ZNF236: variants seen among roughly 807,000 people sequenced by gnomAD.
ZNF236 encodes the protein zinc finger protein 236.
A neutral mutation model predicts 191.2 loss-of-function variants in ZNF236; 50 were observed. That is an observed-to-expected ratio of 0.26 (90% CI 0.21 to 0.33). The LOEUF (loss-of-function observed/expected upper bound fraction) is 0.33. Ranked by LOEUF, ZNF236 falls within the 10% of genes least tolerant of loss-of-function variation. The pLI, the probability that ZNF236 is intolerant of heterozygous loss-of-function variation, is 1.00. For synonymous variants in ZNF236, 907 were observed against 928.8 expected, an observed-to-expected ratio of 0.98 and a Z score of 0.43; for missense variants, 1,754 against 2,374.5, an observed-to-expected ratio of 0.74 and a Z score of 5.43.
chr18:76,882,893 G>T (rs1313569169), intron 9 of ZNF236, among the ~76,000 whole-genome samples: 1 of 152,230 alleles, frequency 6.6e-6, no homozygotes, highest in Non-Finnish European at 1.5e-5. Flanking sequence ...GTATTCCTGA[G>T]AATCTGATGC....
At chr18:76,909,669 A>C in intron 14 of ZNF236, among the ~76,000 whole-genome samples, 1 of 152,248 alleles carries the variant, frequency 6.6e-6, no homozygotes, top group East Asian at 1.9e-4. Context: ...CAGGCATGTC[A>C]GCAAACAGTG....
At chr18:76,858,077 C>T (rs1457937019) in intron 3 of ZNF236, among the ~76,000 whole-genome samples, 4 of 151,954 alleles carry the variant, frequency 2.6e-5, no homozygotes, top group Non-Finnish European at 5.9e-5. Flanking sequence ...GTTAGTTTTC[C>T]CTGCCATCCT....
chr18:76,937,202 T>G lies in ZNF236; in HGVS notation c.4641T>G (p.Ser1547=). 1 of 1,614,158 alleles carries G rather than the reference T, an allele frequency of 6.2e-7. No individual in the cohort carries two copies. Among genetic ancestry groups the G allele is most frequent in the African/African-American group, 1.3e-5 (1 of 75,030 alleles). ...GCCTTCCTTCAACAACACCGATGTC[T>G]CCATCGGCCATCTCGACTCAGAACC... ...SGSLPSTTPM[S]PSAISTQNLV... is the part of the protein sequence containing the mutation. Residue 1547 remains serine (S), a synonymous_variant, in exon 26 of 31, where the codon TCT becomes TCG. Transcript: ENST00000320610.
At chr18:76,896,429 AAC>A (rs1382034941) in intron 10 of ZNF236, among the ~76,000 whole-genome samples, 1 of 149,730 alleles carries the variant, frequency 6.7e-6, no homozygotes, top group Non-Finnish European at 1.5e-5. Flanking sequence ...ACAAGTACCA[AAC>A]ACAATACTAA....
chr18:76,918,658 C>T (rs1445960434), intron 19 of ZNF236, among the ~76,000 whole-genome samples: 1 of 152,000 alleles, frequency 6.6e-6, no homozygotes. Context: ...AACTTCCCTG[C>T]CAAGCCCCAC....
At chr18:76,836,977 G>C (rs1450874379) in intron 1 of ZNF236, among the ~76,000 whole-genome samples, 1 of 152,088 alleles carries the variant, frequency 6.6e-6, no homozygotes, top group Non-Finnish European at 1.5e-5. Context: ...CCAGGTTCAA[G>C]CAATTCTCGT....
chr18:76,961,253 G>A (rs974991615), intron 30 of ZNF236, among the ~76,000 whole-genome samples: 8 of 151,940 alleles, frequency 5.3e-5, no homozygotes, highest in Non-Finnish European at 1.2e-4. Context: ...GAGAACATGC[G>A]ATGTTTGGTT....
rs1967751087 is a variant in ZNF236 at position 76,928,000 on chromosome 18, C to T, written c.4488C>T (p.Thr1496=). The change falls in exon 25 of 31, where the codon ACC becomes ACT. Residue 1496 remains threonine, a synonymous_variant. Transcript: ENST00000320610. This position sits in a 1 kb window ranked among gnomAD's most constrained non-coding sequence, Gnocchi z 5.4. ...VSPSGGPHEI[T]LTINNSSLSQ... is the part of the protein sequence containing the mutation. Reference sequence around the variant, plus strand: ...CCTCCGGCGGTCCCCACGAGATCACCCTGACCATTAACAACTCCAGCCTGA... The same window carrying T: ...CCTCCGGCGGTCCCCACGAGATCACTCTGACCATTAACAACTCCAGCCTGA... The T allele has an allele frequency of 6.2e-7, 1 of 1,613,950 alleles. No individual in the cohort carries two copies. The highest frequency in any genetic ancestry group is 1.3e-5 in the African/African-American group (1 of 75,038).
intron 1 of ZNF236, chr18:76,841,231 C>T (rs1975489689): frequency 6.6e-6 from 1 of 152,300 alleles, no homozygotes; most frequent in African/African-American, 2.4e-5. Flanking sequence ...GCCACCGCAC[C>T]CGGCGTCGTT....
At chr18:76,833,677 G>C (rs938480793) in intron 1 of ZNF236, among the ~76,000 whole-genome samples, 4 of 151,886 alleles carry the variant, frequency 2.6e-5, no homozygotes, top group South Asian at 2.1e-4. Flanking sequence ...CTCAAGTTTT[G>C]ATACTAGTAT....
intron 7 of ZNF236, among the ~76,000 whole-genome samples, chr18:76,879,038 A>C (rs1976795681): frequency 6.6e-6 from 1 of 152,210 alleles, no homozygotes. Flanking sequence ...AATAGAGTCC[A>C]ATAATTATGT....
At chr18:76,893,313 A>C (rs1294738843) in intron 9 of ZNF236, among the ~76,000 whole-genome samples, 2 of 152,096 alleles carry the variant, frequency 1.3e-5, no homozygotes, top group Non-Finnish European at 2.9e-5. Flanking sequence ...TGTTAATTTT[A>C]AGCAGTCTTA....
intron 3 of ZNF236, among the ~76,000 whole-genome samples, chr18:76,864,146 T>G (rs1976328856): frequency 6.6e-6 from 1 of 152,140 alleles, no homozygotes; most frequent in South Asian, 2.1e-4. Context: ...GCTGCAGATT[T>G]GGGGCTTGTC....
rs2122995189 is a variant in ZNF236 at position 76,969,542 on chromosome 18, A to G, written c.*1203A>G. 6.6e-6 allele frequency: 1 copy of G among 152,624 alleles called. No homozygotes were observed. Among genetic ancestry groups the G allele is most frequent in the South Asian group, 2.1e-4 (1 of 4,828 alleles). The allele number at this position is 152,624 out of a possible 1,614,324, so 9.5% of individuals were successfully genotyped here. A position where few individuals can be genotyped will look rare whatever the true frequency, so the allele number is the denominator to read the frequency against. On this transcript the variant is annotated 3_prime_UTR_variant, in exon 31 of 31. Transcript: ENST00000320610. ...AGAGCGTCAGTTTCACCTCCCCACG[A>G]GCACTTCAGATCAGTATTGTATTCA...
chr18:76,874,775 A>C (rs941397916), intron 5 of ZNF236, among the ~76,000 whole-genome samples: 1 of 472 alleles, frequency 2.1e-3, no homozygotes, highest in Non-Finnish European at 0.01. Flanking sequence ...AGAGGCCCGG[A>C]AGTGGAGAAA....
chr18:76,856,211 A>G (rs1454377705), intron 3 of ZNF236, among the ~76,000 whole-genome samples: 2 of 149,020 alleles, frequency 1.3e-5, no homozygotes, highest in Non-Finnish European at 1.5e-5. Context: ...TTTTTTTGAG[A>G]CAGAGTTTTG....
chr18:76,860,105 C>G (rs1371579852), intron 3 of ZNF236, among the ~76,000 whole-genome samples: 5 of 152,076 alleles, frequency 3.3e-5, no homozygotes, highest in Admixed American at 3.3e-4. Flanking sequence ...ACAAAGGAGT[C>G]AGGGCCATGG....
intron 9 of ZNF236, chr18:76,887,127 C>T (rs1977080899): frequency 6.6e-6 from 1 of 152,388 alleles, no homozygotes; most frequent in Non-Finnish European, 1.5e-5. Context: ...AATCCCCGCA[C>T]TTTGGGAGGC....
intron 21 of ZNF236, 129 bp downstream of exon 21, chr18:76,923,303 G>A (rs1365492247): frequency 1.7e-6 from 1 of 587,302 alleles, no homozygotes; most frequent in Non-Finnish European, 2.9e-6. Flanking sequence ...GCACCAAGAA[G>A]GAAGTGATAT....
Sources: gnomAD v4.1 joint callset for allele counts (sites outside exome capture counted in the v4.1 genomes callset) on GRCh38, gnomAD v4.1.1 for gene constraint, Gnocchi (gnomAD v3.1) non-coding constraint, MANE v1.5 for transcripts, NCBI Gene and HGNC (gene_info 2026-07-23, HGNC 2026-07-21) for gene names.